Variants in CMPK1 observed in about 807,000 individuals in gnomAD.
CMPK1 encodes the protein cytidine/uridine monophosphate kinase 1, also known as UMP-CMP kinase.
Under a neutral mutation model 25.7 loss-of-function variants are expected in CMPK1, and 10 were observed. The observed-to-expected ratio is 0.39, with a 90% CI of 0.24 to 0.66. The LOEUF is 0.66. Ranked by LOEUF, CMPK1 falls within the 30% of genes least tolerant of loss-of-function variation. CMPK1 has a pLI of 0.48. For missense variants in CMPK1, 199 were observed against 280.5 expected (o/e 0.71, Z 2.08); for synonymous variants, 106 against 101.5 (o/e 1.04, Z -0.27).
chr1:47,334,116 G>C lies in CMPK1; in HGVS notation c.171G>C (p.Glu57Asp). 6.6e-7 allele frequency: 1 copy of C among 1,508,340 alleles called. No individual in the cohort carries two copies. Among genetic ancestry groups the C allele is most frequent in the South Asian group, 1.2e-5 (1 of 80,894 alleles). 93.4% of individuals were successfully genotyped at this position (1,508,340 alleles called of 1,614,324 possible). A position where few individuals can be genotyped will look rare whatever the true frequency, so the allele number is the denominator to read the frequency against. ...GKGTQCARIV[E>D]KYGYTHLSAG... ...GGACCCAGTGCGCCCGCATCGTCGAGGTGAGGCCCGGGCAGCAGGCGGGCT... is the reference window on the plus strand; with the variant it reads ...GGACCCAGTGCGCCCGCATCGTCGACGTGAGGCCCGGGCAGCAGGCGGGCT... Residue 57 changes from glutamate (E) to aspartate (D), a missense_variant and splice_region_variant, in exon 1 of 6, where the codon GAG becomes GAC. By Grantham distance (45) the Glu-to-Asp change is conservative (BLOSUM62 2). Around this residue, in one of 2 missense-constraint regions of CMPK1, gnomAD observed 140 missense variants for 235.5 expected, o/e 0.59. Transcript: ENST00000371873.
At chr1:47,354,950 C>T (rs1436184964) in intron 1 of CMPK1, among the ~76,000 whole-genome samples, 3 of 152,078 alleles carry the variant, frequency 2.0e-5, no homozygotes, top group Non-Finnish European at 4.4e-5. Context: ...CTGGTTTCTC[C>T]ATATTCTTAC....
At chr1:47,376,636 A>G in intron 5 of CMPK1, 68 bp from the exon 6 acceptor site, 5 of 991,166 alleles carry the variant, frequency 5.0e-6, no homozygotes, top group Non-Finnish European at 7.8e-6. Flanking sequence ...ATTTTTAATA[A>G]GAACTTAGCT....
At chr1:47,365,862 T>C (rs1029767605) in intron 1 of CMPK1, among the ~76,000 whole-genome samples, 1 of 152,186 alleles carries the variant, frequency 6.6e-6, no homozygotes, top group African/African-American at 2.4e-5. Flanking sequence ...AGGCACTTAT[T>C]CTAAATGAAT....
chr1:47,336,848 G>T (rs1006263937), intron 1 of CMPK1, among the ~76,000 whole-genome samples: 10 of 152,220 alleles, frequency 6.6e-5, no homozygotes, highest in Admixed American at 6.5e-4. Flanking sequence ...TTGCAAAATA[G>T]TATTTTTCTT....
At chr1:47,366,085 T>C (rs1007010695) in intron 1 of CMPK1, among the ~76,000 whole-genome samples, 1 of 152,082 alleles carries the variant, frequency 6.6e-6, no homozygotes, top group Admixed American at 6.6e-5. Context: ...TCCCAGCTGC[T>C]TGGGAGGCTG....
chr1:47,340,414 C>T (rs1029499073), intron 1 of CMPK1, among the ~76,000 whole-genome samples: 12 of 151,980 alleles, frequency 7.9e-5, no homozygotes, highest in Admixed American at 5.9e-4. Context: ...GGGATTGCAT[C>T]GTAAGCCAGC....
intron 1 of CMPK1, among the ~76,000 whole-genome samples, chr1:47,364,187 A>G (rs530591108): frequency 1.3e-5 from 2 of 152,304 alleles, no homozygotes; most frequent in Admixed American, 6.5e-5. Context: ...AAAAAAAAAG[A>G]TTCTAAGGTT....
intron 1 of CMPK1, among the ~76,000 whole-genome samples, chr1:47,340,955 A>G (rs1007583758): frequency 4.6e-5 from 7 of 152,172 alleles, no homozygotes; most frequent in Admixed American, 2.6e-4. Flanking sequence ...CTTTTTTAAG[A>G]AAGTTTACAT....
chr1:47,375,069 T>A, intron 4 of CMPK1, 84 bp downstream of exon 4: 1 of 1,315,510 alleles, frequency 7.6e-7, no homozygotes, highest in South Asian at 1.2e-5. Context: ...CATTTAAACA[T>A]GTAAAATGGC....
intron 1 of CMPK1, chr1:47,358,963 C>CT (rs1415044684): frequency 1.0e-6 from 1 of 983,048 alleles, no homozygotes; most frequent in Non-Finnish European, 1.2e-6. Context: ...AACTTTCTTG[C>CT]TTTTGAAATT....
chr1:47,351,401 C>T (rs1046617912), intron 1 of CMPK1, among the ~76,000 whole-genome samples: 1 of 152,080 alleles, frequency 6.6e-6, no homozygotes, highest in Non-Finnish European at 1.5e-5. Flanking sequence ...AAGCTTCCTC[C>T]ATGTTAGCAT....
At chr1:47,367,668 A>C (rs1646648733) in intron 1 of CMPK1, among the ~76,000 whole-genome samples, 1 of 152,210 alleles carries the variant, frequency 6.6e-6, no homozygotes, top group Non-Finnish European at 1.5e-5. Context: ...TGGTGTCTTT[A>C]ATATTTGAGA....
chr1:47,374,688 G>A (rs1646696285), intron 3 of CMPK1, among the ~76,000 whole-genome samples: 1 of 152,058 alleles, frequency 6.6e-6, no homozygotes, highest in Non-Finnish European at 1.5e-5. Context: ...ACTGAGTCAT[G>A]AATGAATTCT....
chr1:47,353,172 T>C (rs1410286247), intron 1 of CMPK1, among the ~76,000 whole-genome samples: 7 of 152,240 alleles, frequency 4.6e-5, no homozygotes, highest in Admixed American at 3.3e-4. Context: ...GTCTATGCCA[T>C]AGAAGTGGCA....
intron 1 of CMPK1, 129 bp downstream of exon 1, chr1:47,334,245 C>A (rs2149322230): frequency 1.1e-6 from 1 of 935,154 alleles, no homozygotes; most frequent in East Asian, 3.9e-5. Context: ...GCCACCGCGC[C>A]GCCCGCGTGG....
chr1:47,335,101 G>A (rs1286432631), intron 1 of CMPK1, among the ~76,000 whole-genome samples: 2 of 152,116 alleles, frequency 1.3e-5, no homozygotes, highest in East Asian at 3.8e-4. Flanking sequence ...CAGAAGAGGC[G>A]ACCATTGGTG....
intron 1 of CMPK1, among the ~76,000 whole-genome samples, chr1:47,356,589 T>C (rs1646562264): frequency 6.6e-6 from 1 of 152,206 alleles, no homozygotes; most frequent in East Asian, 1.9e-4. Flanking sequence ...AAAGTTGCCA[T>C]AAGTTTATAG....
chr1:47,340,880 G>T (rs933414603), intron 1 of CMPK1, among the ~76,000 whole-genome samples: 1 of 151,950 alleles, frequency 6.6e-6, no homozygotes, highest in Non-Finnish European at 1.5e-5. Context: ...CAGGTGATCC[G>T]CCCGCCTCAG....
At chr1:47,348,407 CAT>C (rs58784994) in intron 1 of CMPK1, among the ~76,000 whole-genome samples, 2,498 of 152,262 alleles carry the variant, frequency 0.016, 75 homozygotes, top group African/African-American at 0.057. Context: ...ACAGACTAAA[CAT>C]GTGATAAGAG....
Sources: gnomAD v4.1 joint callset for allele counts (sites outside exome capture counted in the v4.1 genomes callset) on GRCh38, gnomAD v4.1.1 for gene constraint, gnomAD v4.1.1 regional missense constraint, MANE v1.5 for transcripts, NCBI Gene and HGNC (gene_info 2026-07-23, HGNC 2026-07-21) for gene names.